PRKG1: variants seen among roughly 807,000 people sequenced by gnomAD.
The protein encoded by PRKG1 is cGMP-dependent protein kinase 1.
Under a neutral mutation model 88.1 loss-of-function variants are expected in PRKG1, and 35 were observed. The observed-to-expected ratio is 0.40, with a 90% confidence interval of 0.30 to 0.53. The LOEUF is 0.53. Among genes scored for constraint, PRKG1 ranks in the 20% least tolerant of loss-of-function variants. The pLI, the probability that PRKG1 is intolerant of heterozygous loss-of-function variation, is 0.59. For synonymous variants in PRKG1, 303 were observed against 292.5 expected (o/e 1.04, Z -0.37); for missense variants, 540 against 839.8 (o/e 0.64, Z 4.41).
intron 2 of PRKG1, among the ~76,000 whole-genome samples, chr10:51,357,976 C>A (rs140920919): frequency 2.0e-5 from 3 of 151,732 alleles, no homozygotes; most frequent in African/African-American, 4.8e-5. Flanking sequence ...TTTTAAGTTA[C>A]AAAACTTTTA....
chr10:51,418,201 G>A (rs568138763), intron 2 of PRKG1, among the ~76,000 whole-genome samples: 2 of 152,248 alleles, frequency 1.3e-5, no homozygotes, highest in African/African-American at 2.4e-5. Flanking sequence ...GAATTTCAGA[G>A]CTCCTCCAGT....
At chr10:51,536,031 A>G (rs1174828147) in intron 3 of PRKG1, among the ~76,000 whole-genome samples, 1 of 152,078 alleles carries the variant, frequency 6.6e-6, no homozygotes, top group Non-Finnish European at 1.5e-5. Context: ...CCTAAAATCA[A>G]TGCTTTTGAT....
chr10:51,013,788 C>T (rs1843023002), intron 1 of PRKG1, among the ~76,000 whole-genome samples: 1 of 152,156 alleles, frequency 6.6e-6, no homozygotes, highest in Admixed American at 6.5e-5. Flanking sequence ...TACAGCAAAA[C>T]AAGTTAAGTT....
chr10:51,021,947 C>T (rs1178189969), intron 1 of PRKG1, among the ~76,000 whole-genome samples: 1 of 152,200 alleles, frequency 6.6e-6, no homozygotes, highest in Non-Finnish European at 1.5e-5. Flanking sequence ...TCCCAAAGTG[C>T]TGGGATTACA....
intron 1 of PRKG1, among the ~76,000 whole-genome samples, chr10:51,063,535 A>G (rs1843715263): frequency 6.6e-6 from 1 of 152,212 alleles, no homozygotes; most frequent in Admixed American, 6.5e-5. Context: ...AGGTACAACT[A>G]TGTATAGCAG....
At chr10:51,132,918 G>T (rs561599844) in intron 1 of PRKG1, among the ~76,000 whole-genome samples, 1 of 152,014 alleles carries the variant, frequency 6.6e-6, no homozygotes, top group African/African-American at 2.4e-5. Flanking sequence ...CCCCATAAAT[G>T]TATATAATTA....
Position 52,294,128 on chromosome 10 carries a change from C to T in PRKG1, c.*228C>T. ...TAAAATAGCAGTTGACATGGTGGTC[C>T]TGAAGCAAAGCCTTTCACCAGTAAA... On this transcript the variant is annotated 3_prime_UTR_variant, in exon 18 of 18. Coordinates refer to ENST00000373980, the MANE Select transcript of PRKG1 (RefSeq NM_006258.4). 2.4e-6 allele frequency: 1 copy of T among 421,410 alleles called. No individual in the cohort carries two copies. Among genetic ancestry groups the T allele is most frequent in the Non-Finnish European group, 4.2e-6 (1 of 240,322 alleles). The allele number at this position is 421,410 out of a possible 1,614,324, so 26.1% of individuals were successfully genotyped here.
At chr10:51,912,960 A>T (rs1224838931) in intron 5 of PRKG1, among the ~76,000 whole-genome samples, 1 of 151,980 alleles carries the variant, frequency 6.6e-6, no homozygotes, top group Non-Finnish European at 1.5e-5. Flanking sequence ...ATGAAATCTC[A>T]CTCTGTTGCC....
At chr10:51,133,724 T>C (rs1269507771) in intron 1 of PRKG1, among the ~76,000 whole-genome samples, 4 of 152,192 alleles carry the variant, frequency 2.6e-5, no homozygotes, top group African/African-American at 7.2e-5. Flanking sequence ...CTTTTATACA[T>C]GATTTTAATA....
chr10:51,291,385 ATCT>A (rs1193424590), intron 2 of PRKG1, among the ~76,000 whole-genome samples: 1 of 152,076 alleles, frequency 6.6e-6, no homozygotes, highest in African/African-American at 2.4e-5. Flanking sequence ...CCCCACTCGG[ATCT>A]TCTTTTCTCA....
At chr10:51,173,019 C>A (rs1387998441) in intron 2 of PRKG1, among the ~76,000 whole-genome samples, 1 of 151,990 alleles carries the variant, frequency 6.6e-6, no homozygotes, top group Non-Finnish European at 1.5e-5. Flanking sequence ...GCCAAATATA[C>A]TTCTTGACAC....
chr10:52,094,117 A>G (rs1327252310), intron 7 of PRKG1, among the ~76,000 whole-genome samples: 1 of 152,198 alleles, frequency 6.6e-6, no homozygotes, highest in African/African-American at 2.4e-5. Flanking sequence ...TATTTCTTTA[A>G]TATAGAATAG....
chr10:52,253,394 A>G (rs1461934520), intron 10 of PRKG1: 1 of 152,032 alleles, frequency 6.6e-6, no homozygotes, highest in Non-Finnish European at 1.5e-5. Context: ...ATTTCAAGCT[A>G]GAGAACTGAA....
chr10:51,823,768 A>T (rs932370481), intron 4 of PRKG1, among the ~76,000 whole-genome samples: 1 of 151,974 alleles, frequency 6.6e-6, no homozygotes, highest in Non-Finnish European at 1.5e-5. Flanking sequence ...ATTCCATAGA[A>T]ATGTTGAAAT....
chr10:51,440,019 T>C (rs1365788683), intron 2 of PRKG1, among the ~76,000 whole-genome samples: 1 of 151,924 alleles, frequency 6.6e-6, no homozygotes, highest in Admixed American at 6.6e-5. Context: ...AATCATAAAA[T>C]TGAACTTGAA....
At chr10:51,130,352 T>C (rs1467430807) in intron 1 of PRKG1, among the ~76,000 whole-genome samples, 1 of 152,150 alleles carries the variant, frequency 6.6e-6, no homozygotes, top group Non-Finnish European at 1.5e-5. Flanking sequence ...TGAGAATCCC[T>C]GCCTAAGTGC....
intron 3 of PRKG1, among the ~76,000 whole-genome samples, chr10:51,763,603 C>G (rs1486447045): frequency 8.1e-6 from 1 of 124,064 alleles, no homozygotes; most frequent in Admixed American, 8.4e-5. Context: ...TGATCAAATG[C>G]AAAAAAAAAA....
rs542124954 is a variant in PRKG1, at chr10:52,013,234, C to T, written c.763-41250C>T. On this transcript the variant is annotated intron_variant, in intron 5 of 17. Transcript: ENST00000373980. ...GAGATCGTGTCCATCCTGGCTAACACGGTGAAACCCCGTCTCTACTAAAAA... is the reference window on the plus strand; with the variant it reads ...GAGATCGTGTCCATCCTGGCTAACATGGTGAAACCCCGTCTCTACTAAAAA... Among the ~76,000 whole-genome samples, 31 of 152,084 alleles carry T rather than the reference C, an allele frequency of 2.0e-4. 2 individuals carry two copies. The highest frequency in any genetic ancestry group is 1.6e-3 in the East Asian group (8 of 5,160).
intron 7 of PRKG1, among the ~76,000 whole-genome samples, chr10:52,075,246 A>C (rs1481303581): frequency 1.3e-5 from 2 of 152,174 alleles, no homozygotes; most frequent in South Asian, 4.1e-4. Context: ...CTTCACTGAA[A>C]ATTACAAAAT....
Sources: gnomAD v4.1 joint callset for allele counts (sites outside exome capture counted in the v4.1 genomes callset) on GRCh38, gnomAD v4.1.1 for gene constraint, MANE v1.5 for transcripts, NCBI Gene and HGNC (gene_info 2026-07-23, HGNC 2026-07-21) for gene names.